ITGB8: variants seen among roughly 807,000 people sequenced by gnomAD.
ITGB8 encodes integrin subunit beta 8, also known as integrin beta-8.
A neutral mutation model predicts 89.5 loss-of-function variants in ITGB8; 30 were observed. The observed-to-expected ratio is 0.34, with a 90% CI of 0.25 to 0.45. The LOEUF is 0.45. Among genes scored for constraint, ITGB8 ranks in the 20% least tolerant of loss-of-function variants. ITGB8 has a pLI of 1.00. For synonymous variants in ITGB8, 335 were observed against 320.4 expected, an observed-to-expected ratio of 1.05 and a Z score of -0.49; for missense variants, 836 against 933.3, an observed-to-expected ratio of 0.90 and a Z score of 1.36.
At position 20,354,191 on chromosome 7, in the gene ITGB8, G is replaced by A. The variant is rs189807918; in HGVS notation, c.128-9446G>A. Among the ~76,000 whole-genome samples the A allele has an allele frequency of 1.1e-3, 163 of 152,184 alleles. 1 individual carries two copies. The highest frequency in any genetic ancestry group is 2.9e-3 in the South Asian group (14 of 4,826). The stretch of plus-strand genomic sequence containing the variant: ...TACTGAGTGTATTCTAGTATATTGA[G>A]TGTATGTACAAGGCTCATATACTGG... On this transcript the variant is annotated intron_variant, in intron 1 of 13. Coordinates refer to ENST00000222573, the MANE Select transcript of ITGB8 (RefSeq NM_002214.3).
At chr7:20,390,961 ATGTG>A (rs1314460549) in intron 6 of ITGB8, among the ~76,000 whole-genome samples, 1 of 152,036 alleles carries the variant, frequency 6.6e-6, no homozygotes, top group Non-Finnish European at 1.5e-5. Flanking sequence ...GGATGTTTGA[ATGTG>A]TATGTGTATA....
intron 1 of ITGB8, among the ~76,000 whole-genome samples, chr7:20,353,998 C>G (rs1785206476): frequency 7.0e-6 from 1 of 143,072 alleles, no homozygotes; most frequent in Non-Finnish European, 1.5e-5. Context: ...GAGATGAATT[C>G]ATCTAGTTAT....
Position 20,409,925 on chromosome 7 carries a change from T to A in ITGB8, c.2238T>A (p.Arg746=). 6.2e-7 allele frequency: 1 copy of A among 1,613,446 alleles called. No homozygotes were observed. Among genetic ancestry groups the A allele is most frequent in the Non-Finnish European group, 8.5e-7 (1 of 1,179,488 alleles). Residue 746 remains arginine (R), a synonymous_variant, in exon 14 of 14, where the codon CGT becomes CGA. Coordinates refer to ENST00000222573, the MANE Select transcript of ITGB8 (RefSeq NM_002214.3). ...SVCTRAVTYR[R]EKPEEIKMDI... is the part of the protein sequence containing the mutation. Reference sequence around the variant, plus strand: ...GCACAAGAGCAGTCACCTACCGACGTGAGAAGCCTGAAGAAATAAAAATGG... The same window carrying A: ...GCACAAGAGCAGTCACCTACCGACGAGAGAAGCCTGAAGAAATAAAAATGG...
intron 3 of ITGB8, among the ~76,000 whole-genome samples, chr7:20,373,199 A>G (rs1274512884): frequency 6.6e-6 from 1 of 152,188 alleles, no homozygotes; most frequent in Non-Finnish European, 1.5e-5. Flanking sequence ...TGTTAGTAGG[A>G]CTATATTTTA....
intron 6 of ITGB8, among the ~76,000 whole-genome samples, chr7:20,382,915 T>C (rs181121531): frequency 1.3e-5 from 2 of 152,336 alleles, no homozygotes; most frequent in Admixed American, 6.5e-5. Flanking sequence ...TTTAAAAGAA[T>C]AGAACGAAAT....
At chr7:20,375,675 A>T (rs980334854) in intron 3 of ITGB8, among the ~76,000 whole-genome samples, 4 of 152,234 alleles carry the variant, frequency 2.6e-5, no homozygotes, top group African/African-American at 9.6e-5. Context: ...TGACAAGAAC[A>T]GCTATAATTA....
In ITGB8 at chr7:20,379,292, A is replaced by G. The variant is rs1404051901; in HGVS notation, c.630A>G (p.Gln210=). 4 of 1,586,952 alleles carry G rather than the reference A, an allele frequency of 2.5e-6. No individual in the cohort carries two copies. Among genetic ancestry groups the G allele is most frequent in the African/African-American group, 1.4e-5 (1 of 73,950 alleles). Residue 210 remains glutamine (Q), a synonymous_variant, in exon 4 of 14, where the codon CAA becomes CAG. Transcript: ENST00000222573. ...ISIHPERIHN[Q]CSDYNLDCMP... ...TCCACCCCGAAAGGATTCATAATCA[A>G]TGCAGGTATCTAGGGTTTGATGTGG... is the stretch of plus-strand genomic sequence containing the variant.
intron 1 of ITGB8, among the ~76,000 whole-genome samples, chr7:20,342,412 A>G (rs1457475320): frequency 1.3e-5 from 2 of 152,222 alleles, no homozygotes; most frequent in African/African-American, 4.8e-5. Flanking sequence ...TTGGATTCCC[A>G]AAAACATTAT....
chr7:20,365,965 A>C (rs1218299580), intron 2 of ITGB8: 1 of 151,594 alleles, frequency 6.6e-6, no homozygotes, highest in African/African-American at 2.4e-5. Context: ...AATAATTTTC[A>C]AGGCTAATCA....
intron 1 of ITGB8, among the ~76,000 whole-genome samples, chr7:20,351,630 G>A (rs955939421): frequency 6.6e-5 from 10 of 152,178 alleles, no homozygotes; most frequent in African/African-American, 4.8e-5. Flanking sequence ...ATTTTGAAAT[G>A]TGATTAAAGG....
intron 1 of ITGB8, among the ~76,000 whole-genome samples, chr7:20,337,920 C>A (rs1019549314): frequency 2.0e-5 from 3 of 152,190 alleles, no homozygotes; most frequent in African/African-American, 7.2e-5. Context: ...AACTGAGTCA[C>A]CCCTGTGCCA....
rs556824050 is a variant in ITGB8, at chr7:20,409,855, A to G, written c.2188-20A>G. The G allele has an allele frequency of 6.2e-7, 1 of 1,611,848 alleles. No homozygotes were observed. The highest frequency in any genetic ancestry group is 2.2e-5 in the East Asian group (1 of 44,860). On this transcript the variant is annotated intron_variant, in intron 13 of 13. Coordinates refer to ENST00000222573, the MANE Select transcript of ITGB8 (RefSeq NM_002214.3). Reference sequence around the variant, plus strand: ...AATATTTAGGCCCTTAGTTAATAATAATATTTCTTCTCTATTAAGGATAAG... The same window carrying G: ...AATATTTAGGCCCTTAGTTAATAATGATATTTCTTCTCTATTAAGGATAAG...
intron 6 of ITGB8, among the ~76,000 whole-genome samples, chr7:20,389,033 T>G (rs1313295497): frequency 6.6e-6 from 1 of 152,244 alleles, no homozygotes; most frequent in Non-Finnish European, 1.5e-5. Context: ...TTATCCAGTC[T>G]ATCATTGATG....
At chr7:20,381,008 C>A in intron 5 of ITGB8, 177 bp downstream of exon 5, 3 of 532,814 alleles carry the variant, frequency 5.6e-6, no homozygotes, top group Non-Finnish European at 9.8e-6. Context: ...GACAGAGGGG[C>A]TAAATTCAGG....
intron 6 of ITGB8, among the ~76,000 whole-genome samples, chr7:20,383,716 C>G (rs1220524990): frequency 2.0e-5 from 3 of 151,986 alleles, no homozygotes; most frequent in Admixed American, 6.6e-5. Context: ...GTTATAGAAC[C>G]TTATGGAAAT....
chr7:20,356,560 A>G (rs984881132), intron 1 of ITGB8, among the ~76,000 whole-genome samples: 2 of 152,282 alleles, frequency 1.3e-5, no homozygotes, highest in African/African-American at 4.8e-5. Context: ...GGTTATTCAA[A>G]TTTAATTTAA....
In ITGB8 at chr7:20,334,796, C is replaced by T. The variant is rs144143545; in HGVS notation, c.127+2863C>T. On this transcript the variant is annotated intron_variant, in intron 1 of 13. Transcript: ENST00000222573. ...AAATCATACATGTTTGCCCTCTAAA[C>T]TGACAGCAAAGTAGCTGATATGCTT... Among the ~76,000 whole-genome samples the T allele has an allele frequency of 9.5e-4, 145 of 152,304 alleles. 1 individual carries two copies. Among genetic ancestry groups the T allele is most frequent in the African/African-American group, 3.4e-3 (142 of 41,582 alleles).
intron 7 of ITGB8, 94 bp from the exon 8 acceptor site, chr7:20,394,802 T>C (rs1787004765): frequency 6.9e-6 from 6 of 869,058 alleles, no homozygotes; most frequent in Admixed American, 3.9e-5. Context: ...TGGTTCACCT[T>C]CAACTGATAA....
At chr7:20,392,490 C>G (rs1786901719) in intron 7 of ITGB8, among the ~76,000 whole-genome samples, 1 of 152,196 alleles carries the variant, frequency 6.6e-6, no homozygotes, top group African/African-American at 2.4e-5. Flanking sequence ...TTAATCGTAA[C>G]ACTTCTTCCT....
Sources: gnomAD v4.1 joint callset for allele counts (sites outside exome capture counted in the v4.1 genomes callset) on GRCh38, gnomAD v4.1.1 for gene constraint, MANE v1.5 for transcripts, NCBI Gene and HGNC (gene_info 2026-07-23, HGNC 2026-07-21) for gene names.